AGO3: variants seen among roughly 807,000 people sequenced by gnomAD.
AGO3 encodes protein argonaute-3.
In AGO3, 16 loss-of-function variants were observed where a neutral mutation model predicts 105.5. That is an observed-to-expected ratio of 0.15 (90% CI 0.10 to 0.23). AGO3 has a LOEUF of 0.23. AGO3 is among the 10% of genes least tolerant of loss of function. AGO3 has a pLI of 1.00. For missense variants in AGO3, 534 were observed against 1,088.0 expected (o/e 0.49, Z 7.16); for synonymous variants, 340 against 367.3 (o/e 0.93, Z 0.85).
chr1:35,952,782 G>A (rs1481790800), intron 2 of AGO3, among the ~76,000 whole-genome samples: 5 of 152,092 alleles, frequency 3.3e-5, no homozygotes, highest in Non-Finnish European at 5.9e-5. Context: ...TGTGTAGTAG[G>A]CTCTACTATC....
chr1:36,041,966 C>T (rs75363438), intron 16 of AGO3, among the ~76,000 whole-genome samples: 2,314 of 152,168 alleles, frequency 0.015, 50 homozygotes, highest in African/African-American at 0.053. Flanking sequence ...TGGCTAGCTG[C>T]AGAGTGGTGG....
At position 36,020,955 on chromosome 1, in the gene AGO3, C is replaced by T. The variant is rs190581107; in HGVS notation, c.1407-6159C>T. Among the ~76,000 whole-genome samples, 352 of 151,992 alleles carry T rather than the reference C, an allele frequency of 2.3e-3. 3 individuals carry two copies. Among genetic ancestry groups the T allele is most frequent in the Non-Finnish European group, 1.1e-3 (75 of 67,974 alleles). On this transcript the variant is annotated intron_variant, in intron 11 of 18. Transcript: ENST00000373191. ...ATTTATTTATTTATTTATTTAGAGA[C>T]GGAGTCTCGTTCTGTCACCCAGGCT...
chr1:35,967,132 C>A, intron 3 of AGO3, 57 bp downstream of exon 3: 2 of 1,553,740 alleles, frequency 1.3e-6, no homozygotes, highest in Non-Finnish European at 8.7e-7. Context: ...TCCTTTTACA[C>A]GCATTTATTA....
At chr1:35,932,134 C>T (rs1349563243) in intron 1 of AGO3, among the ~76,000 whole-genome samples, 1 of 152,084 alleles carries the variant, frequency 6.6e-6, no homozygotes, top group African/African-American at 2.4e-5. Flanking sequence ...TGCTTTATCT[C>T]TGGGGGCAAG....
intron 2 of AGO3, 40 bp from the exon 3 acceptor site, chr1:35,966,915 T>G (rs1327490286): frequency 1.3e-6 from 2 of 1,564,620 alleles, no homozygotes; most frequent in African/African-American, 1.4e-5. Context: ...ATATTTCATC[T>G]TACAGAGGAT....
chr1:35,978,295 T>G (rs927500558), intron 5 of AGO3, among the ~76,000 whole-genome samples: 4 of 152,150 alleles, frequency 2.6e-5, no homozygotes, highest in African/African-American at 9.7e-5. Context: ...GTTCAAGCGA[T>G]TGTCCTGCCT....
chr1:35,996,501 T>C (rs529687819), intron 5 of AGO3, among the ~76,000 whole-genome samples: 23 of 152,172 alleles, frequency 1.5e-4, no homozygotes, highest in Admixed American at 5.9e-4. Context: ...TCGGGCACAG[T>C]GGCTCACACC....
At chr1:35,982,726 A>G in intron 5 of AGO3, 2 of 710,764 alleles carry the variant, frequency 2.8e-6, no homozygotes, top group South Asian at 1.5e-5. Context: ...AGAGATGGTG[A>G]TGGTCTAATG....
chr1:35,938,378 A>T (rs1646190622), intron 1 of AGO3, among the ~76,000 whole-genome samples: 1 of 152,174 alleles, frequency 6.6e-6, no homozygotes, highest in Non-Finnish European at 1.5e-5. Context: ...TAGAAGATGA[A>T]AGTATGATCC....
At chr1:35,954,716 T>A (rs935090622) in intron 2 of AGO3, among the ~76,000 whole-genome samples, 1 of 152,206 alleles carries the variant, frequency 6.6e-6, no homozygotes, top group Non-Finnish European at 1.5e-5. Flanking sequence ...AGTTTTAAAT[T>A]CCATATGGAG....
At chr1:36,036,311 G>A in intron 14 of AGO3, 44 bp downstream of exon 14, 2 of 1,550,396 alleles carry the variant, frequency 1.3e-6, no homozygotes, top group Non-Finnish European at 1.8e-6. Flanking sequence ...TGACAGACCA[G>A]TATCAATTTT....
At chr1:36,052,343 G>A (rs1236529740) in intron 17 of AGO3, among the ~76,000 whole-genome samples, 1 of 152,008 alleles carries the variant, frequency 6.6e-6, no homozygotes, top group African/African-American at 2.4e-5. Flanking sequence ...TCTCACTGGT[G>A]GAAGCTATAA....
At chr1:35,999,768 G>A (rs1639999187) in intron 5 of AGO3, among the ~76,000 whole-genome samples, 1 of 151,882 alleles carries the variant, frequency 6.6e-6, no homozygotes, top group Non-Finnish European at 1.5e-5. Context: ...GATTTTTATT[G>A]GGTTTTCTAT....
chr1:36,040,956 C>A (rs1320254874), intron 16 of AGO3, among the ~76,000 whole-genome samples: 1 of 151,106 alleles, frequency 6.6e-6, no homozygotes, highest in African/African-American at 2.4e-5. Flanking sequence ...ATCTGTAATC[C>A]CAGCTACTCG....
chr1:36,002,696 A>G (rs993588860), intron 5 of AGO3, among the ~76,000 whole-genome samples: 1 of 152,032 alleles, frequency 6.6e-6, no homozygotes, highest in African/African-American at 2.4e-5. Context: ...TCCAGAGATA[A>G]CTACTGTTAA....
At chr1:35,970,729 G>GTTTA (rs900321920) in intron 3 of AGO3, among the ~76,000 whole-genome samples, 4 of 150,596 alleles carry the variant, frequency 2.7e-5, no homozygotes, top group Non-Finnish European at 5.9e-5. Flanking sequence ...CCCTCCCTTT[G>GTTTA]TTTATTTATT....
chr1:36,039,894 A>G lies in AGO3; in HGVS notation c.1947A>G (p.Glu649=), dbSNP rs1372586472. 5.0e-6 allele frequency: 8 copies of G among 1,613,932 alleles called. No individual in the cohort carries two copies. Among genetic ancestry groups the G allele is most frequent in the Non-Finnish European group, 6.8e-6 (8 of 1,179,962 alleles). The change falls in exon 15 of 19, where the codon GAA becomes GAG. Residue 649 remains glutamate (E), a synonymous_variant. Coordinates refer to ENST00000373191, the MANE Select transcript of AGO3 (RefSeq NM_024852.4). The stretch of plus-strand genomic sequence containing the variant: ...AGGACTTGGCCTCCATGGTCCGGGA[A>G]CTTCTTATTCAATTTTATAAGTCAA... ...IIQDLASMVR[E]LLIQFYKSTR...
At position 36,037,309 on chromosome 1, in the gene AGO3, G is replaced by A. The variant is rs1035635423; in HGVS notation, c.1842+1042G>A. Among the ~76,000 whole-genome samples the A allele has an allele frequency of 8.1e-4, 124 of 152,152 alleles. 1 individual carries two copies. The highest frequency in any genetic ancestry group is 2.8e-3 in the African/African-American group (118 of 41,514). On this transcript the variant is annotated intron_variant, in intron 14 of 18. Coordinates refer to ENST00000373191, the MANE Select transcript of AGO3 (RefSeq NM_024852.4). ...CTGAGGCGGGGGTGGATCGCTTGAC[G>A]TCAGGAGTTCAAGACCAGCCTGACC...
chr1:36,042,668 G>C (rs929231663), intron 16 of AGO3, among the ~76,000 whole-genome samples: 3 of 152,150 alleles, frequency 2.0e-5, no homozygotes, highest in Non-Finnish European at 4.4e-5. Context: ...GGGATAAGGC[G>C]GTGGAGGTGG....
Sources: allele counts gnomAD v4.1 joint callset (sites outside exome capture counted in the v4.1 genomes callset), GRCh38; gene constraint gnomAD v4.1.1; transcripts MANE v1.5; gene names NCBI Gene and HGNC (gene_info 2026-07-23, HGNC 2026-07-21).